PCNX2: variants seen among roughly 807,000 people sequenced by gnomAD.
PCNX2 encodes pecanex-like protein 2.
Under a neutral mutation model 223.8 loss-of-function variants are expected in PCNX2, and 168 were observed. The ratio of observed to expected loss-of-function variants is 0.75; its 90% CI spans 0.66 to 0.85. The LOEUF (loss-of-function observed/expected upper bound fraction) is 0.85. PCNX2 is among the 40% of genes least tolerant of loss of function. PCNX2 has a pLI of 0.00. For synonymous variants in PCNX2, 1,006 were observed against 1,052.6 expected (o/e 0.96, Z 0.86); for missense variants, 2,507 against 2,675.5 (o/e 0.94, Z 1.39).
intron 25 of PCNX2, among the ~76,000 whole-genome samples, chr1:233,049,190 A>G (rs1479865540): frequency 6.6e-6 from 1 of 152,168 alleles, no homozygotes; most frequent in Non-Finnish European, 1.5e-5. Context: ...ACAAAAAAAG[A>G]AAATGACAGG....
intron 25 of PCNX2, among the ~76,000 whole-genome samples, chr1:233,040,885 A>C (rs1229045018): frequency 6.6e-6 from 1 of 152,146 alleles, no homozygotes; most frequent in Non-Finnish European, 1.5e-5. Context: ...CTTTCCCTCT[A>C]AAGATATCAG....
chr1:233,105,535 C>T (rs1281485057), intron 21 of PCNX2, among the ~76,000 whole-genome samples: 1 of 152,056 alleles, frequency 6.6e-6, no homozygotes, highest in East Asian at 1.9e-4. Flanking sequence ...AAGAAAATTA[C>T]TAAGGGAGAC....
intron 23 of PCNX2, among the ~76,000 whole-genome samples, chr1:233,071,851 G>A (rs1672871812): frequency 6.6e-6 from 1 of 152,172 alleles, no homozygotes; most frequent in Admixed American, 6.5e-5. Flanking sequence ...ACTAGTGTGA[G>A]ATGGTACTTC....
chr1:233,042,748 T>C (rs187824572), intron 25 of PCNX2, among the ~76,000 whole-genome samples: 3 of 152,302 alleles, frequency 2.0e-5, no homozygotes, highest in Admixed American at 2.0e-4. Flanking sequence ...TGATGCTCTG[T>C]ATATTCTGAT....
chr1:233,201,615 C>A (rs761756081), intron 13 of PCNX2: 1 of 152,178 alleles, frequency 6.6e-6, no homozygotes, highest in Non-Finnish European at 1.5e-5. Flanking sequence ...CTGCCAATTC[C>A]GGATCAGGGC....
chr1:232,997,505 A>T (rs1000601386), intron 32 of PCNX2, among the ~76,000 whole-genome samples: 1 of 152,100 alleles, frequency 6.6e-6, no homozygotes, highest in African/African-American at 2.4e-5. Flanking sequence ...AACCACTAAC[A>T]TGCTCCAGAG....
the PCNX2 span, among the ~76,000 whole-genome samples, chr1:233,316,952 C>A: frequency 6.6e-5 from 10 of 152,160 alleles, no homozygotes; most frequent in Non-Finnish European, 1.2e-4. Context: ...GTTTTATTCA[C>A]CATTATATTC....
chr1:233,128,671 G>A (rs778087764), intron 21 of PCNX2, among the ~76,000 whole-genome samples: 16 of 152,150 alleles, frequency 1.1e-4, no homozygotes, highest in Non-Finnish European at 2.1e-4. Flanking sequence ...GGGCCAGTGC[G>A]AGGTCATGAA....
intron 9 of PCNX2, chr1:233,232,927 A>G: frequency 2.0e-6 from 2 of 984,894 alleles, no homozygotes; most frequent in Non-Finnish European, 2.4e-6. Context: ...GAGTTTACAA[A>G]ACACTTTCAC....
intron 21 of PCNX2, among the ~76,000 whole-genome samples, chr1:233,116,493 T>C (rs1675416766): frequency 6.6e-6 from 1 of 151,962 alleles, no homozygotes; most frequent in Non-Finnish European, 1.5e-5. Flanking sequence ...AAATGAATAA[T>C]AGAAAGATAA....
At chr1:233,288,823 T>TA in intron 1 of PCNX2, 1 of 764,694 alleles carries the variant, frequency 1.3e-6, no homozygotes, top group Non-Finnish European at 2.1e-6. Context: ...TTTTTTTTTT[T>TA]TTTACTGTGA....
At chr1:233,053,497 T>G (rs1282163528) in intron 25 of PCNX2, among the ~76,000 whole-genome samples, 1 of 152,198 alleles carries the variant, frequency 6.6e-6, no homozygotes, top group African/African-American at 2.4e-5. Flanking sequence ...CTTGTTTACT[T>G]TAGGTGTCTC....
chr1:233,244,053 A>T (rs1257802335), intron 8 of PCNX2, among the ~76,000 whole-genome samples: 3 of 150,782 alleles, frequency 2.0e-5, no homozygotes, highest in Non-Finnish European at 3.0e-5. Flanking sequence ...CTGGTCTTGA[A>T]CTCCTGACCT....
At chr1:233,178,768 A>T (rs991792719) in intron 16 of PCNX2, among the ~76,000 whole-genome samples, 2 of 152,208 alleles carry the variant, frequency 1.3e-5, no homozygotes, top group African/African-American at 2.4e-5. Flanking sequence ...ACCCAAGGGA[A>T]AGTCACAACA....
chr1:233,036,047 A>G (rs1671442720), intron 25 of PCNX2, among the ~76,000 whole-genome samples: 1 of 152,164 alleles, frequency 6.6e-6, no homozygotes, highest in Admixed American at 6.5e-5. Flanking sequence ...TAATGTCAAA[A>G]AAAGACTTTA....
At chr1:233,184,290 G>A (rs1254091279) in intron 15 of PCNX2, among the ~76,000 whole-genome samples, 2 of 151,960 alleles carry the variant, frequency 1.3e-5, no homozygotes, top group Non-Finnish European at 2.9e-5. Context: ...CTCACTCATC[G>A]TTGAAATGAA....
chr1:233,085,441 A>G (rs1446420598), intron 23 of PCNX2, among the ~76,000 whole-genome samples: 1 of 152,136 alleles, frequency 6.6e-6, no homozygotes, highest in Non-Finnish European at 1.5e-5. Context: ...GACTACACCA[A>G]CCTTGGGTAG....
intron 25 of PCNX2, among the ~76,000 whole-genome samples, chr1:233,052,642 T>C (rs1246651156): frequency 6.6e-6 from 1 of 152,174 alleles, no homozygotes; most frequent in Non-Finnish European, 1.5e-5. Context: ...CTTCCATACC[T>C]GTCTTCTCTG....
intron 10 of PCNX2, among the ~76,000 whole-genome samples, chr1:233,225,137 AAT>A (rs1330500402): frequency 0.011 from 1,535 of 142,462 alleles, 30 homozygotes; most frequent in African/African-American, 0.03. Flanking sequence ...AAAAAAAAAA[AAT>A]GTTATGTTAC....
Sources: allele counts gnomAD v4.1 joint callset (sites outside exome capture counted in the v4.1 genomes callset), GRCh38; gene constraint gnomAD v4.1.1; transcripts MANE v1.5; gene names NCBI Gene and HGNC (gene_info 2026-07-23, HGNC 2026-07-21).